Variants in SNTG1 observed in about 807,000 individuals in gnomAD.
SNTG1 encodes gamma-1-syntrophin.
SNTG1 carries 39 observed loss-of-function variants against 74.7 expected under a neutral mutation model. The ratio of observed to expected loss-of-function variants is 0.52; its 90% CI spans 0.40 to 0.68. The LOEUF is 0.68. Ranked by LOEUF, SNTG1 falls within the 30% of genes least tolerant of loss-of-function variation. The pLI, the probability that SNTG1 is intolerant of heterozygous loss-of-function variation, is 0.00. For synonymous variants in SNTG1, 254 were observed against 217.1 expected (o/e 1.17, Z -1.49); for missense variants, 685 against 609.5 (o/e 1.12, Z -1.30).
At chr8:50,045,927 A>G (rs1819046722) in intron 1 of SNTG1, among the ~76,000 whole-genome samples, 1 of 152,160 alleles carries the variant, frequency 6.6e-6, no homozygotes, top group Non-Finnish European at 1.5e-5. Flanking sequence ...AAGAAGCTCA[A>G]CGAGATCAGG....
At position 50,636,187 on chromosome 8, in the gene SNTG1, C is replaced by T. The variant is rs185523261; in HGVS notation, c.850-20722C>T. 7.3e-5 allele frequency among the ~76,000 whole-genome samples: 11 copies of T among 150,980 alleles called. No individual in the cohort carries two copies. The East Asian group carries it at 2.2e-3, about 31-fold the overall frequency. On this transcript the variant is annotated intron_variant, in intron 13 of 18. Coordinates refer to ENST00000642720, the MANE Select transcript of SNTG1 (RefSeq NM_018967.5). ...CAAAGTCCTCTTTACTCTCCCCTCTCCTCTCCTCAAGCAGAAGAAAGGACT... is the reference window on the plus strand; with the variant it reads ...CAAAGTCCTCTTTACTCTCCCCTCTTCTCTCCTCAAGCAGAAGAAAGGACT...
intron 8 of SNTG1, among the ~76,000 whole-genome samples, chr8:50,497,148 G>T (rs2093911870): frequency 6.6e-6 from 1 of 151,384 alleles, no homozygotes. Context: ...TTTTATTATT[G>T]TTTAACGTTC....
chr8:50,694,863 A>T (rs2095397917), intron 15 of SNTG1, among the ~76,000 whole-genome samples: 1 of 151,006 alleles, frequency 6.6e-6, no homozygotes, highest in East Asian at 1.9e-4. Flanking sequence ...AAAGCATTTG[A>T]CAAAATTCAA....
intron 1 of SNTG1, among the ~76,000 whole-genome samples, chr8:50,071,246 C>A (rs571317784): frequency 1.3e-5 from 2 of 152,038 alleles, no homozygotes; most frequent in Non-Finnish European, 2.9e-5. Flanking sequence ...TCACCCAGGT[C>A]GGAGTTCAGT....
rs1181231298 is a variant in SNTG1 at position 50,516,512 on chromosome 8, A to C, written c.466+13632A>C. ...ACAAACTCCTCTGAGCTAAGGGATCATGTCCTATCCCAATGCAAGGAAGAT... is the reference window on the plus strand; with the variant it reads ...ACAAACTCCTCTGAGCTAAGGGATCCTGTCCTATCCCAATGCAAGGAAGAT... On this transcript the variant is annotated intron_variant, in intron 9 of 18. Coordinates refer to ENST00000642720, the MANE Select transcript of SNTG1 (RefSeq NM_018967.5). Among the ~76,000 whole-genome samples the C allele has an allele frequency of 2.0e-5, 3 of 152,298 alleles. No individual in the cohort carries two copies. In the East Asian group the frequency reaches 5.8e-4, roughly 29 times the overall value.
intron 2 of SNTG1, among the ~76,000 whole-genome samples, chr8:50,193,900 A>G (rs2083668868): frequency 6.6e-6 from 1 of 152,078 alleles, no homozygotes; most frequent in Non-Finnish European, 1.5e-5. Context: ...GATTTTGTCA[A>G]ATGCTTTTTC....
chr8:50,055,072 A>C (rs1415199140), intron 1 of SNTG1, among the ~76,000 whole-genome samples: 2 of 151,910 alleles, frequency 1.3e-5, no homozygotes, highest in Non-Finnish European at 2.9e-5. Flanking sequence ...CAATTGTCTC[A>C]TCATTCCGAC....
rs111749423 is a variant in SNTG1, at chr8:50,570,957, C to T, written c.810+17778C>T. Among the ~76,000 whole-genome samples the T allele has an allele frequency of 5.4e-3, 819 of 152,060 alleles. 7 individuals are homozygous for T. Among genetic ancestry groups the T allele is most frequent in the African/African-American group, 0.018 (760 of 41,504 alleles). Reference sequence around the variant, plus strand: ...CACACAGTTTTCCATAGTAGTTGCACGAATTTACACTCCCACCACCAGCGT... The same window carrying T: ...CACACAGTTTTCCATAGTAGTTGCATGAATTTACACTCCCACCACCAGCGT... On this transcript the variant is annotated intron_variant, in intron 12 of 18. Transcript: ENST00000642720.
At chr8:50,015,359 G>T (rs1429863659) in intron 1 of SNTG1, among the ~76,000 whole-genome samples, 2 of 151,666 alleles carry the variant, frequency 1.3e-5, no homozygotes, top group Non-Finnish European at 2.9e-5. Flanking sequence ...GAAAGAGAGT[G>T]GAAAAACAAT....
intron 15 of SNTG1, among the ~76,000 whole-genome samples, chr8:50,693,527 TTATAGAGG>T (rs2095391561): frequency 6.6e-6 from 1 of 152,138 alleles, no homozygotes; most frequent in Non-Finnish European, 1.5e-5. Context: ...AATATAACAA[TTATAGAGG>T]CTTCAATATT....
intron 15 of SNTG1, among the ~76,000 whole-genome samples, chr8:50,698,303 A>G (rs1466493981): frequency 6.6e-6 from 1 of 152,184 alleles, no homozygotes; most frequent in African/African-American, 2.4e-5. Context: ...ATTCTCTCTC[A>G]TGCCCCCATT....
intron 2 of SNTG1, among the ~76,000 whole-genome samples, chr8:50,217,307 A>AAGTATTAAT (rs1319918115): frequency 6.6e-6 from 1 of 152,090 alleles, no homozygotes; most frequent in Non-Finnish European, 1.5e-5. Context: ...ATGATGAAAG[A>AAGTATTAAT]AGTATTAATG....
intron 1 of SNTG1, among the ~76,000 whole-genome samples, chr8:50,121,811 T>C (rs912393075): frequency 1.4e-5 from 2 of 142,252 alleles, no homozygotes; most frequent in African/African-American, 2.5e-5. Context: ...CATTGAGTTA[T>C]GATAGCACCA....
chr8:49,935,147 T>G (rs1307260782), intron 1 of SNTG1, among the ~76,000 whole-genome samples: 1 of 151,410 alleles, frequency 6.6e-6, no homozygotes, highest in Non-Finnish European at 1.5e-5. Flanking sequence ...AAGAACTTAT[T>G]CCAGACTTGC....
At chr8:50,407,803 G>C (rs1044372001) in intron 4 of SNTG1, among the ~76,000 whole-genome samples, 1 of 152,148 alleles carries the variant, frequency 6.6e-6, no homozygotes, top group Non-Finnish European at 1.5e-5. Context: ...GCGTTTTAAG[G>C]ATAGTTTGGT....
chr8:50,461,406 T>A (rs142703366), intron 8 of SNTG1, among the ~76,000 whole-genome samples: 6 of 152,298 alleles, frequency 3.9e-5, no homozygotes, highest in Admixed American at 1.3e-4. Context: ...TCAAGAAGTA[T>A]GTCACTATAC....
rs369307162 is a variant in SNTG1, at chr8:50,231,407, A to G, written c.-28+58772A>G. On this transcript the variant is annotated intron_variant, in intron 2 of 18. Coordinates refer to ENST00000642720, the MANE Select transcript of SNTG1 (RefSeq NM_018967.5). Reference sequence around the variant, plus strand: ...TATTTATCAAAAAGATTTGAAATCAATATGTCAAATAGATGTCTGAACTCA... The same window carrying G: ...TATTTATCAAAAAGATTTGAAATCAGTATGTCAAATAGATGTCTGAACTCA... Among the ~76,000 whole-genome samples, 19 of 151,482 alleles carry G rather than the reference A, an allele frequency of 1.3e-4. 1 individual carries two copies. Among genetic ancestry groups the G allele is most frequent in the African/African-American group, 4.6e-4 (19 of 41,518 alleles).
intron 1 of SNTG1, among the ~76,000 whole-genome samples, chr8:49,965,830 C>T (rs1392221281): frequency 6.6e-6 from 1 of 152,262 alleles, no homozygotes; most frequent in Non-Finnish European, 1.5e-5. Context: ...AATGTCATTT[C>T]TACTAATTCA....
chr8:50,015,972 G>A (rs973365074), intron 1 of SNTG1, among the ~76,000 whole-genome samples: 2 of 152,062 alleles, frequency 1.3e-5, no homozygotes, highest in African/African-American at 4.8e-5. Context: ...GTGTTGTTGT[G>A]GAGAAGAATT....
Sources: gnomAD v4.1 joint callset for allele counts (sites outside exome capture counted in the v4.1 genomes callset) on GRCh38, gnomAD v4.1.1 for gene constraint, MANE v1.5 for transcripts, NCBI Gene and HGNC (gene_info 2026-07-23, HGNC 2026-07-21) for gene names.